The following COL28A1 variants were observed in gnomAD, a reference collection of about 807,000 sequenced individuals.
COL28A1 encodes the protein collagen alpha-1(XXVIII) chain.
In COL28A1, 161 loss-of-function variants were observed where a neutral mutation model predicts 150.2. That is an observed-to-expected ratio of 1.07 (90% CI 0.94 to 1.22). The LOEUF is 1.22. COL28A1 is among the 50% of genes most tolerant of loss of function. COL28A1 has a pLI of 0.00. For missense variants in COL28A1, 1,617 were observed against 1,388.3 expected (o/e 1.16, Z -2.62); for synonymous variants, 552 against 469.7 (o/e 1.18, Z -2.26).
At chr7:7,542,271 C>G in the COL28A1 span, among the ~76,000 whole-genome samples, 2 of 152,194 alleles carry the variant, frequency 1.3e-5, no homozygotes, top group African/African-American at 4.8e-5. Context: ...TTGCTTGAAC[C>G]AGTGCGCTGA....
At chr7:7,370,368 G>T (rs988755458) in intron 33 of COL28A1, among the ~76,000 whole-genome samples, 2 of 152,080 alleles carry the variant, frequency 1.3e-5, no homozygotes, top group Non-Finnish European at 2.9e-5. Flanking sequence ...AGGGAGAGTT[G>T]TGGCCTGGTA....
At chr7:7,401,666 C>T (rs964420511) in intron 27 of COL28A1, among the ~76,000 whole-genome samples, 2 of 152,110 alleles carry the variant, frequency 1.3e-5, no homozygotes, top group African/African-American at 4.8e-5. Flanking sequence ...CATCACCACC[C>T]TGCCCACACC....
intron 25 of COL28A1, 74 bp from the exon 26 acceptor site, chr7:7,420,027 A>G (rs1238378723): frequency 1.0e-6 from 1 of 988,526 alleles, no homozygotes; most frequent in Non-Finnish European, 1.4e-6. Context: ...ATATATTTTA[A>G]TATCAAAAAC....
At chr7:7,526,411 T>C (rs1436679620) in intron 3 of COL28A1, among the ~76,000 whole-genome samples, 1 of 152,208 alleles carries the variant, frequency 6.6e-6, no homozygotes, top group African/African-American at 2.4e-5. Context: ...GATAGATACA[T>C]ACAATATGAT....
chr7:7,490,281 C>T (rs1272822305), intron 12 of COL28A1, among the ~76,000 whole-genome samples: 3 of 152,128 alleles, frequency 2.0e-5, no homozygotes, highest in Non-Finnish European at 4.4e-5. Flanking sequence ...AACATATTTG[C>T]ATGTGAATGT....
chr7:7,482,270 A>G (rs1779370073), intron 13 of COL28A1, among the ~76,000 whole-genome samples: 1 of 152,174 alleles, frequency 6.6e-6, no homozygotes, highest in African/African-American at 2.4e-5. Context: ...CAGGCCTGTA[A>G]TCCCAGCACT....
chr7:7,463,982 TGG>T (rs1787848092), intron 15 of COL28A1, among the ~76,000 whole-genome samples: 1 of 152,152 alleles, frequency 6.6e-6, no homozygotes, highest in African/African-American at 2.4e-5. Context: ...TTCATGCAAA[TGG>T]ACACCAAAAG....
chr7:7,339,303 C>T, the COL28A1 span, among the ~76,000 whole-genome samples: 1 of 152,130 alleles, frequency 6.6e-6, no homozygotes, highest in Non-Finnish European at 1.5e-5. Flanking sequence ...CCTATTCACT[C>T]CCTTAAGTAT....
At chr7:7,375,521 A>T (rs749804992) in intron 30 of COL28A1, 24 bp from the exon 31 acceptor site, 2 of 1,436,296 alleles carry the variant, frequency 1.4e-6, no homozygotes, top group African/African-American at 1.4e-5. Flanking sequence ...AGAAAAATGT[A>T]TTACTATATG....
At chr7:7,439,318 C>A (rs1290816663) in intron 21 of COL28A1, among the ~76,000 whole-genome samples, 1 of 152,072 alleles carries the variant, frequency 6.6e-6, no homozygotes, top group African/African-American at 2.4e-5. Flanking sequence ...AAATCCAAAC[C>A]TGGAAGGCAA....
intron 25 of COL28A1, among the ~76,000 whole-genome samples, chr7:7,421,374 G>A (rs984831930): frequency 2.6e-5 from 4 of 152,128 alleles, no homozygotes; most frequent in Non-Finnish European, 5.9e-5. Context: ...ACTGATTTAT[G>A]GTGATGGCTG....
the COL28A1 span, among the ~76,000 whole-genome samples, chr7:7,349,333 G>A: frequency 1.3e-5 from 2 of 152,028 alleles, no homozygotes; most frequent in Non-Finnish European, 2.9e-5. Flanking sequence ...TTCCAGTCTG[G>A]CTGGTGTGAC....
In COL28A1 at chr7:7,432,375, C is replaced by A. The variant is rs1052452877; in HGVS notation, c.1998+98G>T. 4.6e-6 allele frequency: 4 copies of A among 863,990 alleles called. No individual in the cohort carries two copies. In the African/African-American group the frequency reaches 6.8e-5, roughly 15 times the overall value. The allele number at this position is 863,990 out of a possible 1,614,324, so 53.5% of individuals were successfully genotyped here. Reference sequence around the variant, plus strand: ...ACTTTATCAATTATTTCAGACACCTCTACTCTTCTAGCTGATAAAAAATTT... The same window carrying A: ...ACTTTATCAATTATTTCAGACACCTATACTCTTCTAGCTGATAAAAAATTT... On this transcript the variant is annotated intron_variant, in intron 25 of 34. Coordinates refer to ENST00000399429, the MANE Select transcript of COL28A1 (RefSeq NM_001037763.3).
chr7:7,355,540 GT>G (rs1780327560), downstream of COL28A1, among the ~76,000 whole-genome samples: 1 of 152,124 alleles, frequency 6.6e-6, no homozygotes, highest in Admixed American at 6.5e-5. Flanking sequence ...AGTCCGGGAG[GT>G]GGAGGTTGCA....
At chr7:7,419,191 T>G (rs756754756) in intron 26 of COL28A1, among the ~76,000 whole-genome samples, 1 of 152,202 alleles carries the variant, frequency 6.6e-6, no homozygotes. Context: ...TTTCTCAAAC[T>G]CAGCACTATT....
chr7:7,459,162 G>A (rs1007354725), intron 15 of COL28A1, among the ~76,000 whole-genome samples: 1 of 152,274 alleles, frequency 6.6e-6, no homozygotes, highest in Admixed American at 6.5e-5. Context: ...ACCTCCAAAT[G>A]TAAAAATAAC....
intron 25 of COL28A1, among the ~76,000 whole-genome samples, chr7:7,428,223 G>C (rs567755865): frequency 5.9e-5 from 9 of 152,172 alleles, no homozygotes; most frequent in Non-Finnish European, 1.3e-4. Flanking sequence ...TGATGGTTAA[G>C]AGGTCCTAAC....
chr7:7,370,941 T>A, intron 32 of COL28A1, 59 bp from the exon 33 acceptor site: 1 of 1,217,642 alleles, frequency 8.2e-7, no homozygotes, highest in Non-Finnish European at 1.2e-6. Flanking sequence ...TACTTAAAAC[T>A]CATTTAAAAA....
chr7:7,540,102 AT>A (rs1281232626), upstream of COL28A1, among the ~76,000 whole-genome samples: 2 of 151,978 alleles, frequency 1.3e-5, no homozygotes, highest in Non-Finnish European at 2.9e-5. Flanking sequence ...AAGTTTTACA[AT>A]TTTTTTTCTA....
Sources: allele counts gnomAD v4.1 joint callset (sites outside exome capture counted in the v4.1 genomes callset), GRCh38; gene constraint gnomAD v4.1.1; transcripts MANE v1.5; gene names NCBI Gene and HGNC (gene_info 2026-07-23, HGNC 2026-07-21).